DARS1: variants seen among roughly 807,000 people sequenced by gnomAD.
DARS1 encodes aspartyl-tRNA synthetase 1.
DARS1 carries 51 observed loss-of-function variants against 68.8 expected under a neutral mutation model. That is an observed-to-expected ratio of 0.74 (90% CI 0.59 to 0.94). The LOEUF (loss-of-function observed/expected upper bound fraction) is 0.94. Among genes scored for constraint, DARS1 ranks in the 40% least tolerant of loss-of-function variants. The pLI is 0.00. For synonymous variants in DARS1, 203 were observed against 190.4 expected (o/e 1.07, Z -0.55); for missense variants, 607 against 597.3 (o/e 1.02, Z -0.17).
At chr2:135,928,122 A>AT (rs1380304413) in intron 7 of DARS1, among the ~76,000 whole-genome samples, 2 of 152,226 alleles carry the variant, frequency 1.3e-5, no homozygotes, top group Admixed American at 1.3e-4. Flanking sequence ...TCCTCACAAC[A>AT]AATTACTTCC....
intron 3 of DARS1, among the ~76,000 whole-genome samples, chr2:135,970,026 CTT>C (rs1262513052): frequency 2.0e-5 from 3 of 152,128 alleles, no homozygotes; most frequent in Middle Eastern, 3.2e-3. Flanking sequence ...ACAGCACAGT[CTT>C]CTTGTGCTTC....
chr2:135,928,544 C>T (rs112396243), intron 7 of DARS1, among the ~76,000 whole-genome samples: 24,447 of 151,438 alleles, frequency 0.16, 2,249 homozygotes, highest in Middle Eastern at 0.4. Context: ...GACGGGGTTT[C>T]GCCATGTTGG....
chr2:135,974,791 C>T (rs913827781), intron 3 of DARS1, among the ~76,000 whole-genome samples: 3 of 152,056 alleles, frequency 2.0e-5, no homozygotes, highest in South Asian at 2.1e-4. Flanking sequence ...TGCCTCTCTT[C>T]GCCTCAAAAA....
chr2:135,923,758 C>A (rs1410094890), intron 8 of DARS1, among the ~76,000 whole-genome samples: 1 of 152,190 alleles, frequency 6.6e-6, no homozygotes. Flanking sequence ...TGGCTCACAT[C>A]TGTAATCCCA....
chr2:135,942,290 G>A (rs1470010289), intron 5 of DARS1, among the ~76,000 whole-genome samples: 3 of 152,100 alleles, frequency 2.0e-5, no homozygotes, highest in African/African-American at 7.2e-5. Flanking sequence ...TTAAGAAAAT[G>A]TGGCACATAT....
chr2:135,931,656 CAAATAACATGAAT>C (rs1235140701), intron 7 of DARS1, among the ~76,000 whole-genome samples: 1 of 151,760 alleles, frequency 6.6e-6, no homozygotes, highest in Non-Finnish European at 1.5e-5. Context: ...TTGCAAGGGC[CAAATAACATGAAT>C]GAATGAAATG....
chr2:135,943,868 A>G (rs1368961085), intron 4 of DARS1, among the ~76,000 whole-genome samples: 1 of 152,172 alleles, frequency 6.6e-6, no homozygotes, highest in African/African-American at 2.4e-5. Flanking sequence ...CAATAAATGC[A>G]ATTACTGGTA....
chr2:135,916,243 T>A lies in DARS1; in HGVS notation c.1089A>T (p.Gly363=). Residue 363 remains glycine (G), a synonymous_variant, in exon 11 of 16, where the codon GGA becomes GGT. Transcript: ENST00000264161. Reference sequence around the variant, plus strand: ...AGACAAACCTCAGATCGTCTTCATCTCCCATTTCGACTCCAGCTTCCCTAA... The same window carrying A: ...AGACAAACCTCAGATCGTCTTCATCACCCATTTCGACTCCAGCTTCCCTAA... ...AMLREAGVEM[G]DEDDLSTPNE... is the part of the protein sequence containing the mutation. The A allele has an allele frequency of 6.3e-7, 1 of 1,593,542 alleles. No individual in the cohort carries two copies. Among genetic ancestry groups the A allele is most frequent in the Non-Finnish European group, 8.6e-7 (1 of 1,161,548 alleles).
intron 4 of DARS1, among the ~76,000 whole-genome samples, chr2:135,949,380 C>T (rs1173591174): frequency 1.3e-5 from 2 of 151,974 alleles, no homozygotes; most frequent in Admixed American, 6.6e-5. Flanking sequence ...CCAAAACTAA[C>T]ACAAACTACT....
chr2:135,915,700 A>G (rs182245103), intron 11 of DARS1, among the ~76,000 whole-genome samples: 82 of 152,226 alleles, frequency 5.4e-4, no homozygotes, highest in Admixed American at 9.2e-4. Flanking sequence ...CACTATATAA[A>G]CAATATTGAC....
intron 3 of DARS1, among the ~76,000 whole-genome samples, chr2:135,969,407 G>T (rs1682317416): frequency 6.6e-6 from 1 of 152,006 alleles, no homozygotes; most frequent in African/African-American, 2.4e-5. Context: ...AATAGAAAAG[G>T]TTGGGGCAGA....
chr2:135,952,691 G>A (rs1681866789), intron 4 of DARS1, among the ~76,000 whole-genome samples: 1 of 151,936 alleles, frequency 6.6e-6, no homozygotes, highest in Admixed American at 6.6e-5. Flanking sequence ...CATCTATGTT[G>A]CCACAAATGA....
At chr2:135,932,702 A>G in intron 7 of DARS1, 81 bp downstream of exon 7, 1 of 772,792 alleles carries the variant, frequency 1.3e-6, no homozygotes, top group Non-Finnish European at 2.2e-6. Context: ...ATTTAGCTTT[A>G]TAAGCCTGAG....
intron 1 of DARS1, chr2:135,985,080 G>A (rs988601019): frequency 3.4e-5 from 14 of 413,124 alleles, no homozygotes; most frequent in Admixed American, 2.6e-4. Context: ...TGTGCATTAC[G>A]TGCAGGACGT....
intron 1 of DARS1, among the ~76,000 whole-genome samples, chr2:135,984,388 C>T (rs1346684412): frequency 6.6e-6 from 1 of 152,218 alleles, no homozygotes; most frequent in Non-Finnish European, 1.5e-5. Flanking sequence ...TGTCACTTTA[C>T]AGCTACCTGT....
chr2:135,983,807 T>C (rs1682696196), intron 1 of DARS1, among the ~76,000 whole-genome samples: 2 of 152,194 alleles, frequency 1.3e-5, no homozygotes. Flanking sequence ...AAATTTCCTC[T>C]GTGAAGGGAG....
chr2:135,982,173 C>T (rs1682649054), intron 2 of DARS1, among the ~76,000 whole-genome samples: 1 of 152,088 alleles, frequency 6.6e-6, no homozygotes. Flanking sequence ...AGAAAAATTA[C>T]TGTCAAATAG....
chr2:135,943,317 T>C, intron 5 of DARS1, 61 bp downstream of exon 5: 2 of 1,564,234 alleles, frequency 1.3e-6, no homozygotes, highest in East Asian at 2.3e-5. Flanking sequence ...AAATTTGACA[T>C]GAAAACTATT....
At chr2:135,962,191 T>C (rs1215562972) in intron 3 of DARS1, among the ~76,000 whole-genome samples, 3 of 152,224 alleles carry the variant, frequency 2.0e-5, no homozygotes, top group Non-Finnish European at 4.4e-5. Context: ...TTACATATCC[T>C]GGGCCTCTTT....
Sources: gnomAD v4.1 joint callset for allele counts (sites outside exome capture counted in the v4.1 genomes callset) on GRCh38, gnomAD v4.1.1 for gene constraint, MANE v1.5 for transcripts, NCBI Gene and HGNC (gene_info 2026-07-23, HGNC 2026-07-21) for gene names.